Variants in FAF2 observed in about 807,000 individuals in gnomAD.
FAF2 encodes FAS-associated factor 2.
A neutral mutation model predicts 62.3 loss-of-function variants in FAF2; 9 were observed. That is an observed-to-expected ratio of 0.14 (90% CI 0.09 to 0.25). The LOEUF (loss-of-function observed/expected upper bound fraction) is 0.25. Among genes scored for constraint, FAF2 ranks in the 10% least tolerant of loss-of-function variants. FAF2 has a pLI of 1.00. For missense variants in FAF2, 368 were observed against 556.2 expected (o/e 0.66, Z 3.40); for synonymous variants, 202 against 198.0 (o/e 1.02, Z -0.17).
intron 1 of FAF2, among the ~76,000 whole-genome samples, chr5:176,462,480 C>T (rs7700747): frequency 0.69 from 104,232 of 151,356 alleles, 36,030 homozygotes; most frequent in Non-Finnish European, 0.7. Context: ...CAAAATTAGC[C>T]GGGCGTGGTG....
chr5:176,479,243 A>G lies in FAF2; in HGVS notation c.119A>G (p.Asn40Ser). Residue 40 changes from asparagine to serine, a missense_variant, in exon 2 of 11, where the codon AAC becomes AGC. Physicochemically the swap from Asn to Ser is conservative, Grantham distance 46. Coordinates refer to ENST00000261942, the MANE Select transcript of FAF2 (RefSeq NM_014613.3). The stretch of plus-strand genomic sequence containing the variant: ...TGTCGCCATACCTTGGAACAGCATA[A>G]CTGGAACATAGAGGTATAATAGGAT... ...DQCRHTLEQH[N>S]WNIEAAVQDR... 1 of 1,613,196 alleles carries G rather than the reference A, an allele frequency of 6.2e-7. No individual in the cohort carries two copies. Among genetic ancestry groups the G allele is most frequent in the Non-Finnish European group, 8.5e-7 (1 of 1,179,160 alleles).
At chr5:176,449,705 CCT>C (rs1193355190) in intron 1 of FAF2, among the ~76,000 whole-genome samples, 1 of 152,054 alleles carries the variant, frequency 6.6e-6, no homozygotes, top group Non-Finnish European at 1.5e-5. Context: ...TTAGGATAGA[CCT>C]AAAGTTATTG....
intron 1 of FAF2, among the ~76,000 whole-genome samples, chr5:176,461,644 T>A (rs894609764): frequency 2.4e-4 from 37 of 152,002 alleles, no homozygotes; most frequent in African/African-American, 7.2e-4. Context: ...AGTTTTTTTT[T>A]AATGGGGTTA....
At position 176,509,799 on chromosome 5, in the gene FAF2, G is replaced by T. The variant is rs1371216179; in HGVS notation, c.*2849G>T. 1.3e-5 allele frequency: 2 copies of T among 152,616 alleles called. No individual in the cohort carries two copies. Among genetic ancestry groups the T allele is most frequent in the Non-Finnish European group, 2.9e-5 (2 of 68,044 alleles). 9.5% of individuals were successfully genotyped at this position (152,616 alleles called of 1,614,324 possible). On this transcript the variant is annotated 3_prime_UTR_variant, in exon 11 of 11. Transcript: ENST00000261942. ...GGCCAAGCAAAGAGTTTCAGAAAAT[G>T]ACTGAGAAGGAGCGATAACCCCCAG... is the stretch of plus-strand genomic sequence containing the variant.
rs1759025064 is a variant in FAF2, at chr5:176,494,354, A to G, written c.661+79A>G. On this transcript the variant is annotated intron_variant, in intron 7 of 10. Transcript: ENST00000261942. The surrounding 1 kb of genome is among the most constrained non-coding windows in gnomAD (Gnocchi z 4.0). ...TCTGGAAAGACATGCCATGCCATTT[A>G]TTACAAGTGTGTTTGTTCTGTGGTA... The G allele has an allele frequency of 1.3e-5, 15 of 1,186,234 alleles. No homozygotes were observed. The highest frequency in any genetic ancestry group is 1.8e-5 in the Non-Finnish European group (14 of 792,638). 73.5% of individuals were successfully genotyped at this position (1,186,234 alleles called of 1,614,324 possible). A position where few individuals can be genotyped will look rare whatever the true frequency, so the allele number is the denominator to read the frequency against.
At chr5:176,496,809 C>T (rs1755495408) in intron 8 of FAF2, 146 bp downstream of exon 8, 1 of 545,744 alleles carries the variant, frequency 1.8e-6, no homozygotes, top group South Asian at 3.6e-5. Flanking sequence ...AAAATATTTA[C>T]ATACTTTGAC....
At chr5:176,487,010 C>G (rs1758884445) in intron 3 of FAF2, among the ~76,000 whole-genome samples, 1 of 152,230 alleles carries the variant, frequency 6.6e-6, no homozygotes, top group South Asian at 2.1e-4. Flanking sequence ...GATGTGTACA[C>G]TGATAATGAA....
intron 4 of FAF2, among the ~76,000 whole-genome samples, chr5:176,490,236 G>A (rs62402535): frequency 9.9e-5 from 15 of 151,880 alleles, no homozygotes; most frequent in African/African-American, 2.9e-4. Flanking sequence ...GCGTGAACCC[G>A]GGAGGCGGAG....
At chr5:176,472,580 G>A (rs566417481) in intron 1 of FAF2, among the ~76,000 whole-genome samples, 12 of 151,826 alleles carry the variant, frequency 7.9e-5, no homozygotes, top group Non-Finnish European at 1.5e-4. Context: ...CACTGCACCC[G>A]GCTTGTAGCA....
In FAF2 at chr5:176,499,999, G is replaced by A; in HGVS notation, c.1012-4G>A. The A allele has an allele frequency of 1.2e-6, 2 of 1,613,966 alleles. No individual in the cohort carries two copies. Among genetic ancestry groups the A allele is most frequent in the Non-Finnish European group, 1.7e-6 (2 of 1,179,944 alleles). ...AGCCTCACCTTTGCTTTGTGTCTCT[G>A]CAGAATTTACAGGAGGAAAAGGAAA... is the stretch of plus-strand genomic sequence containing the variant. On this transcript the variant is annotated splice_region_variant and splice_polypyrimidine_tract_variant and intron_variant, in intron 9 of 10. Transcript: ENST00000261942.
chr5:176,488,880 T>C, intron 3 of FAF2, 71 bp from the exon 4 acceptor site: 1 of 1,255,334 alleles, frequency 8.0e-7, no homozygotes, highest in South Asian at 1.2e-5. Flanking sequence ...AGTGAGAAAA[T>C]CTGACCTAGC....
intron 1 of FAF2, among the ~76,000 whole-genome samples, chr5:176,467,588 G>A (rs1758492968): frequency 6.6e-6 from 1 of 152,186 alleles, no homozygotes; most frequent in Non-Finnish European, 1.5e-5. Flanking sequence ...GATTATGGGC[G>A]TGAGCCACCA....
At chr5:176,452,217 C>T (rs1388969988) in intron 1 of FAF2, among the ~76,000 whole-genome samples, 2 of 151,974 alleles carry the variant, frequency 1.3e-5, no homozygotes, top group Non-Finnish European at 2.9e-5. Context: ...GCCACCATGC[C>T]TGGCTAATTT....
intron 1 of FAF2, among the ~76,000 whole-genome samples, chr5:176,463,685 G>A (rs2113721368): frequency 6.6e-6 from 1 of 150,888 alleles, no homozygotes; most frequent in African/African-American, 2.4e-5. Flanking sequence ...AGGTTACGAA[G>A]CTAGTGCGTG....
At chr5:176,485,551 T>C (rs1758861171) in intron 2 of FAF2, among the ~76,000 whole-genome samples, 1 of 152,194 alleles carries the variant, frequency 6.6e-6, no homozygotes, top group African/African-American at 2.4e-5. Flanking sequence ...GAGACAAATA[T>C]CTATTTCAAG....
intron 2 of FAF2, among the ~76,000 whole-genome samples, chr5:176,484,090 GAAAA>G (rs910824230): frequency 3.5e-4 from 53 of 151,528 alleles, no homozygotes; most frequent in African/African-American, 1.2e-3. Context: ...GAAAAAAAAA[GAAAA>G]AAAGGGGGCA....
chr5:176,506,192 CAA>C (rs1166725144), intron 10 of FAF2, among the ~76,000 whole-genome samples: 11,697 of 64,712 alleles, frequency 0.18, 718 homozygotes, highest in East Asian at 0.39. Context: ...GAGACTCTCT[CAA>C]AAAAAAAAAA....
At chr5:176,464,533 C>A (rs180725785) in intron 1 of FAF2, among the ~76,000 whole-genome samples, 1 of 134,160 alleles carries the variant, frequency 7.5e-6, no homozygotes. Flanking sequence ...TGCTCTGTCA[C>A]CTGGGCTGGA....
chr5:176,488,231 G>A (rs1303017167), intron 3 of FAF2, among the ~76,000 whole-genome samples: 12 of 152,220 alleles, frequency 7.9e-5, no homozygotes, highest in Admixed American at 7.9e-4. Context: ...ATCCGCCTCA[G>A]CCTCCCAAAG....
Sources: gnomAD v4.1 joint callset for allele counts (sites outside exome capture counted in the v4.1 genomes callset) on GRCh38, gnomAD v4.1.1 for gene constraint, Gnocchi (gnomAD v3.1) non-coding constraint, MANE v1.5 for transcripts, NCBI Gene and HGNC (gene_info 2026-07-23, HGNC 2026-07-21) for gene names.